SEC14L3: variants seen among roughly 807,000 people sequenced by gnomAD.
The protein encoded by SEC14L3 is SEC14-like protein 3.
SEC14L3 carries 56 observed loss-of-function variants against 57.4 expected under a neutral mutation model. The observed-to-expected ratio is 0.97, with a 90% CI of 0.79 to 1.22. The LOEUF is 1.22. Ranked by LOEUF, SEC14L3 falls within the 50% of genes most tolerant of loss-of-function variation. SEC14L3 has a pLI of 0.00. For synonymous variants in SEC14L3, 173 were observed against 194.4 expected (o/e 0.89, Z 0.92); for missense variants, 485 against 511.7 (o/e 0.95, Z 0.50).
chr22:30,450,057 T>C (rs1934951804), intron 12 of SEC14L3, among the ~76,000 whole-genome samples: 1 of 152,138 alleles, frequency 6.6e-6, no homozygotes, highest in South Asian at 2.1e-4. Flanking sequence ...CACGGACACT[T>C]GTTCTTGGTT....
rs768796797 is a variant in SEC14L3 at position 30,461,682 on chromosome 22, C to T, written c.784G>A (p.Gly262Arg). The T allele has an allele frequency of 6.4e-5, 104 of 1,612,638 alleles. No individual in the cohort carries two copies. The highest frequency in any genetic ancestry group is 5.0e-4 in the Admixed American group (30 of 59,824). Reference sequence around the variant, plus strand: ...ACGTACATGGACTTGGGGATCTCCCCGCCATAGTTAATCTGCGGACATGGG... The same window carrying T: ...ACGTACATGGACTTGGGGATCTCCCTGCCATAGTTAATCTGCGGACATGGG... ...PKCLTKINYGGEIPKSMYVRD... is the reference protein window; with the variant it reads ...PKCLTKINYGREIPKSMYVRD... Residue 262 changes from glycine (G) to arginine (R), a missense_variant, in exon 10 of 12, where the codon GGG (glycine) becomes AGG (arginine). Transcript: ENST00000215812.
intron 5 of SEC14L3, chr22:30,467,284 T>TCC: frequency 4.3e-5 from 5 of 116,916 alleles, no homozygotes; most frequent in African/African-American, 8.3e-5. Flanking sequence ...TCCATCCATC[T>TCC]ATCCAACCAT....
chr22:30,459,828 C>G lies in SEC14L3; in HGVS notation c.*193G>C. 1 of 1,318,560 alleles carries G rather than the reference C, an allele frequency of 7.6e-7. No homozygotes were observed. Among genetic ancestry groups the G allele is most frequent in the Non-Finnish European group, 9.7e-7 (1 of 1,029,088 alleles). 81.7% of individuals were successfully genotyped at this position (1,318,560 alleles called of 1,614,324 possible). On this transcript the variant is annotated 3_prime_UTR_variant, in exon 12 of 12. Coordinates refer to ENST00000215812, the MANE Select transcript of SEC14L3 (RefSeq NM_174975.5). The stretch of plus-strand genomic sequence containing the variant: ...TTTCCTCTTCTGCAACCTTGGTACC[C>G]TCCAAGGTTGTGCCTCTCATACCTT...
In SEC14L3 at chr22:30,461,632, G is replaced by C. The variant is rs139964800; in HGVS notation, c.834C>G (p.Tyr278Ter). ...CGCGGTTGATCTGCACCGAGTGCTC[G>C]TACTGAGTCTTCACCTGGTCCCGCA... ...MYVRDQVKTQ[Y>*]EHSVQINRGS... Residue 278 changes from tyrosine to a stop codon, truncating the protein, a stop_gained, in exon 10 of 12, where the codon TAC becomes TAG. Coordinates refer to ENST00000215812, the MANE Select transcript of SEC14L3 (RefSeq NM_174975.5). LOFTEE classifies it high-confidence loss of function. The C allele has an allele frequency of 1.2e-6, 2 of 1,614,002 alleles. No homozygotes were observed. Among genetic ancestry groups the C allele is most frequent in the Admixed American group, 1.7e-5 (1 of 60,004 alleles).
At chr22:30,467,118 T>G (rs1935443045) in intron 5 of SEC14L3, 41 bp from the exon 6 acceptor site, 1 of 1,612,566 alleles carries the variant, frequency 6.2e-7, no homozygotes, top group Non-Finnish European at 8.5e-7. Context: ...GAGTTCAGGG[T>G]GTAGGCTTGG....
At chr22:30,455,068 A>C (rs1180883460), downstream of SEC14L3, among the ~76,000 whole-genome samples, 2 of 34,762 alleles carry the variant, frequency 5.8e-5, no homozygotes, top group Non-Finnish European at 7.8e-5. Flanking sequence ...ATTATATATA[A>C]TATATAATAT....
chr22:30,466,958 G>A, intron 6 of SEC14L3, 24 bp downstream of exon 6: 1 of 1,599,684 alleles, frequency 6.3e-7, no homozygotes, highest in Non-Finnish European at 8.5e-7. Flanking sequence ...GCAAGCGGGG[G>A]GTGGCCCTAG....
At chr22:30,462,316 TC>T in intron 8 of SEC14L3, 124 bp from the exon 9 acceptor site, 1 of 1,397,038 alleles carries the variant, frequency 7.2e-7, no homozygotes, top group Non-Finnish European at 9.5e-7. Context: ...CAGGACCAAT[TC>T]CCCAGTGTCC....
At position 30,467,078 on chromosome 22, in the gene SEC14L3, C is replaced by T. The variant is rs749472632; in HGVS notation, c.424-1G>A. On this transcript the variant is annotated splice_acceptor_variant, in intron 5 of 11. Transcript: ENST00000215812. LOFTEE classifies it high-confidence loss of function. ...CGATGGTCTCAATCTTCTTCCCTAG[C>T]TGCAAGGATGAGAGCAAGAAGTAGT... is the stretch of plus-strand genomic sequence containing the variant. 1.2e-6 allele frequency: 2 copies of T among 1,614,016 alleles called. No individual in the cohort carries two copies. The highest frequency in any genetic ancestry group is 1.7e-6 in the Non-Finnish European group (2 of 1,179,920).
rs773067535 is a variant in SEC14L3 at position 30,470,555 on chromosome 22, GA to G, written c.81del (p.Pro28LeufsTer52). The G allele has an allele frequency of 1.7e-4, 280 of 1,614,224 alleles. 2 individuals carry two copies. The Middle Eastern group carries it at 2.6e-3, about 15-fold the overall frequency. ...TAATCATCAGGGTTGGGCAGGGCAG[GA>G]AGCACATCCTGGACGTTTTCTCGGA... The part of the protein sequence containing the change: ...AKFRENVQDV[L>X]PALPNPDDYF... On this transcript the variant is annotated frameshift_variant, in exon 2 of 12. Transcript: ENST00000215812. LOFTEE classifies it high-confidence loss of function.
chr22:30,461,826 CCTT>C, intron 9 of SEC14L3, 132 bp from the exon 10 acceptor site: 2 of 1,281,210 alleles, frequency 1.6e-6, no homozygotes, highest in Non-Finnish European at 2.2e-6. Flanking sequence ...CCTCCTCAAG[CCTT>C]CTATGACCCT....
At chr22:30,460,995 T>C (rs905197794) in intron 11 of SEC14L3, among the ~76,000 whole-genome samples, 1 of 152,200 alleles carries the variant, frequency 6.6e-6, no homozygotes. Flanking sequence ...TTTGTGGCTC[T>C]GCACAAGTTG....
At chr22:30,457,253 C>G (rs1935134445), downstream of SEC14L3, among the ~76,000 whole-genome samples, 1 of 152,156 alleles carries the variant, frequency 6.6e-6, no homozygotes, top group South Asian at 2.1e-4. Flanking sequence ...CCCCCTCTTT[C>G]CATCCTCCTC....
chr22:30,471,982 T>A lies in SEC14L3; in HGVS notation c.-24A>T. On this transcript the variant is annotated 5_prime_UTR_variant, in exon 1 of 12. Coordinates refer to ENST00000215812, the MANE Select transcript of SEC14L3 (RefSeq NM_174975.5). ...ATGGTGCTGGCTGGGGCTTGAGGAGTGGTGGCCACTATAGGCAAGAGGCCA... is the reference window on the plus strand; with the variant it reads ...ATGGTGCTGGCTGGGGCTTGAGGAGAGGTGGCCACTATAGGCAAGAGGCCA... 6.3e-7 allele frequency: 1 copy of A among 1,586,548 alleles called. No homozygotes were observed. Among genetic ancestry groups the A allele is most frequent in the Non-Finnish European group, 8.6e-7 (1 of 1,166,848 alleles).
chr22:30,461,978 C>A, intron 9 of SEC14L3, 108 bp downstream of exon 9: 1 of 1,226,936 alleles, frequency 8.2e-7, no homozygotes, highest in Non-Finnish European at 1.2e-6. Flanking sequence ...AGCTTAACAC[C>A]CAGTTCTTGG....
chr22:30,464,972 A>T, intron 7 of SEC14L3, 69 bp from the exon 8 acceptor site: 1 of 1,605,848 alleles, frequency 6.2e-7, no homozygotes, highest in Non-Finnish European at 8.5e-7. Context: ...CATAATGGTT[A>T]TAGCCAATGA....
intron 7 of SEC14L3, 147 bp from the exon 8 acceptor site, chr22:30,465,050 C>A: frequency 1.7e-6 from 2 of 1,172,990 alleles, no homozygotes; most frequent in South Asian, 1.7e-5. Flanking sequence ...ACCATCCAAC[C>A]AACCAGTCAA....
At chr22:30,460,828 CAAAA>C (rs747778887) in intron 11 of SEC14L3, among the ~76,000 whole-genome samples, 59,220 of 104,042 alleles carry the variant, frequency 0.57, 15,008 homozygotes, top group East Asian at 0.74. Flanking sequence ...AACTCTGTCT[CAAAA>C]AAAAAAAAAA....
intron 4 of SEC14L3, among the ~76,000 whole-genome samples, chr22:30,469,573 A>G (rs1935534963): frequency 1.3e-5 from 2 of 152,192 alleles, no homozygotes; most frequent in African/African-American, 2.4e-5. Context: ...CAGTGCCTTG[A>G]TGGGCTAAAC....
Sources: gnomAD v4.1 joint callset for allele counts (sites outside exome capture counted in the v4.1 genomes callset) on GRCh38, gnomAD v4.1.1 for gene constraint, MANE v1.5 for transcripts, NCBI Gene and HGNC (gene_info 2026-07-23, HGNC 2026-07-21) for gene names.